Variants in CYP4Z1 observed in about 807,000 individuals in gnomAD.
CYP4Z1 encodes the protein cytochrome P450 4Z1.
CYP4Z1 carries 41 observed loss-of-function variants against 54.2 expected under a neutral mutation model. That is an observed-to-expected ratio of 0.76 (90% CI 0.59 to 0.98). The LOEUF (loss-of-function observed/expected upper bound fraction) is 0.98. Ranked by LOEUF, CYP4Z1 falls within the 50% of genes least tolerant of loss-of-function variation. The probability of loss-of-function intolerance (pLI) is 0.00; values close to 1 mark genes in which losing one functional copy is unlikely to be tolerated. For missense variants in CYP4Z1, 513 were observed against 599.0 expected (o/e 0.86, Z 1.50); for synonymous variants, 163 against 206.2 (o/e 0.79, Z 1.79).
At chr1:47,106,461 A>G (rs1323426310) in intron 9 of CYP4Z1, among the ~76,000 whole-genome samples, 200 bp downstream of exon 9, 1 of 152,092 alleles carries the variant, frequency 6.6e-6, no homozygotes, top group Non-Finnish European at 1.5e-5. Context: ...GCAAAGGTAC[A>G]GAATCCTGCC....
At position 47,068,698 on chromosome 1, in the gene CYP4Z1, G is replaced by GA. The variant is rs773230109; in HGVS notation, c.255dup (p.Pro86ThrfsTer10). 7.4e-6 allele frequency: 12 copies of GA among 1,614,004 alleles called. No individual in the cohort carries two copies. The East Asian group carries it at 2.7e-4, about 36-fold the overall frequency. On this transcript the variant is annotated frameshift_variant, in exon 2 of 12. Transcript: ENST00000334194. LOFTEE classifies it high-confidence loss of function. ...CCATGTGCTGTTCCCTTGTGGGTTG[G>GA]ACCCTTTACGATGTTCTTCAGTGTC...
chr1:47,105,537 C>A (rs1644750486), intron 8 of CYP4Z1, among the ~76,000 whole-genome samples: 1 of 152,202 alleles, frequency 6.6e-6, no homozygotes, highest in Non-Finnish European at 1.5e-5. Context: ...AAGAGCTTCT[C>A]CAGACTCCCA....
intron 9 of CYP4Z1, among the ~76,000 whole-genome samples, chr1:47,113,775 G>T (rs373976456): frequency 6.6e-6 from 1 of 151,912 alleles, no homozygotes; most frequent in Non-Finnish European, 1.5e-5. Flanking sequence ...ACTACAAACC[G>T]CTGCTCAATG....
At chr1:47,117,737 T>A in intron 11 of CYP4Z1, 29 bp from the exon 12 acceptor site, 1 of 1,587,952 alleles carries the variant, frequency 6.3e-7, no homozygotes, top group Non-Finnish European at 8.6e-7. Flanking sequence ...ATTCATTAGA[T>A]GCCATGTTTT....
chr1:47,067,597 G>C lies in CYP4Z1; in HGVS notation c.107G>C (p.Arg36Thr). 6.2e-7 allele frequency: 1 copy of C among 1,613,716 alleles called. No homozygotes were observed. Residue 36 changes from arginine (R) to threonine (T), a missense_variant, in exon 1 of 12, where the codon AGG (arginine) becomes ACG (threonine). By Grantham distance (71) the Arg-to-Thr change is moderately conservative. Coordinates refer to ENST00000334194, the MANE Select transcript of CYP4Z1 (RefSeq NM_178134.3). Reference protein sequence around the residue: ...LFQVIRLYQRRRWMIRALHLF... With the variant: ...LFQVIRLYQRTRWMIRALHLF... ...CAGGTAATCAGGTTGTACCAGAGGA[G>C]GAGATGGATGATCAGAGCCCTGCAC...
chr1:47,097,075 T>C (rs1393376505), intron 7 of CYP4Z1: 1 of 152,164 alleles, frequency 6.6e-6, no homozygotes, highest in Non-Finnish European at 1.5e-5. Flanking sequence ...TGGTTTTCTG[T>C]TCCTGTGTTA....
rs1644822258 is a variant in CYP4Z1, at chr1:47,115,378, A to C, written c.1202-151A>C. On this transcript the variant is annotated intron_variant, in intron 9 of 11. Coordinates refer to ENST00000334194, the MANE Select transcript of CYP4Z1 (RefSeq NM_178134.3). ...GAGTTAATGGGTGCAGCACACCAAC[A>C]TGGCACATGTATACATATGTAACAA... 5 of 633,240 alleles carry C rather than the reference A, an allele frequency of 7.9e-6. No homozygotes were observed. The Admixed American group carries it at 8.6e-5, about 11-fold the overall frequency. 39.2% of individuals were successfully genotyped at this position (633,240 alleles called of 1,614,324 possible).
chr1:47,089,469 T>G (rs1222224243), intron 6 of CYP4Z1, among the ~76,000 whole-genome samples: 1 of 152,058 alleles, frequency 6.6e-6, no homozygotes, highest in Admixed American at 6.5e-5. Context: ...GGGGGAAATG[T>G]ATGCTTTTCT....
At chr1:47,098,951 G>T (rs1291665911) in intron 7 of CYP4Z1, 143 bp from the exon 8 acceptor site, 2 of 993,148 alleles carry the variant, frequency 2.0e-6, no homozygotes, top group Non-Finnish European at 1.5e-6. Flanking sequence ...TTTGAAAAAA[G>T]TAAAATAGAA....
At chr1:47,099,629 C>T (rs2148536794) in intron 8 of CYP4Z1, among the ~76,000 whole-genome samples, 1 of 152,130 alleles carries the variant, frequency 6.6e-6, no homozygotes, top group East Asian at 2.0e-4. Flanking sequence ...CTTCTTAGGA[C>T]TCCAGCTTTT....
chr1:47,114,781 A>C (rs1210630286), intron 9 of CYP4Z1, among the ~76,000 whole-genome samples: 2 of 152,218 alleles, frequency 1.3e-5, no homozygotes, highest in Non-Finnish European at 2.9e-5. Context: ...GCGATCATTA[A>C]AAAGTCAGGA....
At chr1:47,064,684 T>G (rs1644440689), upstream of CYP4Z1, among the ~76,000 whole-genome samples, 1 of 152,036 alleles carries the variant, frequency 6.6e-6, no homozygotes, top group Admixed American at 6.6e-5. Flanking sequence ...ATGAGTAGAC[T>G]AGTACCTCAC....
chr1:47,061,681 A>G, the CYP4Z1 span, among the ~76,000 whole-genome samples: 2 of 152,328 alleles, frequency 1.3e-5, no homozygotes, highest in African/African-American at 2.4e-5. Flanking sequence ...AGCTCATTCT[A>G]TAAGACCAGC....
chr1:47,085,528 T>A (rs1379443455), intron 6 of CYP4Z1, among the ~76,000 whole-genome samples: 1 of 152,200 alleles, frequency 6.6e-6, no homozygotes, highest in African/African-American at 2.4e-5. Flanking sequence ...TTGGCCTCTT[T>A]TTCTCTAATA....
chr1:47,113,418 A>G (rs1460173677), intron 9 of CYP4Z1, among the ~76,000 whole-genome samples: 2 of 152,006 alleles, frequency 1.3e-5, no homozygotes, highest in East Asian at 1.9e-4. Context: ...ACTTATTACC[A>G]TGTGTTGCAA....
At chr1:47,110,636 T>C (rs1644786574) in intron 9 of CYP4Z1, among the ~76,000 whole-genome samples, 1 of 152,166 alleles carries the variant, frequency 6.6e-6, no homozygotes. Flanking sequence ...TCATACTTCT[T>C]AGGTATTAGC....
chr1:47,094,824 A>G (rs1644665375), intron 7 of CYP4Z1, among the ~76,000 whole-genome samples, 155 bp downstream of exon 7: 1 of 152,114 alleles, frequency 6.6e-6, no homozygotes, highest in Non-Finnish European at 1.5e-5. Flanking sequence ...CCTGGCCAAC[A>G]TAGTGAAACC....
At chr1:47,063,121 G>A (rs373208943), upstream of CYP4Z1, among the ~76,000 whole-genome samples, 1 of 152,134 alleles carries the variant, frequency 6.6e-6, no homozygotes, top group South Asian at 2.1e-4. Context: ...TGGGTGGCTA[G>A]ACCCAGAAGA....
chr1:47,062,107 T>C, the CYP4Z1 span, among the ~76,000 whole-genome samples: 1 of 152,180 alleles, frequency 6.6e-6, no homozygotes, highest in Non-Finnish European at 1.5e-5. Flanking sequence ...AGCATTCCCC[T>C]TGAAAACCAG....
Sources: allele counts gnomAD v4.1 joint callset (sites outside exome capture counted in the v4.1 genomes callset), GRCh38; gene constraint gnomAD v4.1.1; transcripts MANE v1.5; gene names NCBI Gene and HGNC (gene_info 2026-07-23, HGNC 2026-07-21).